URB1: variants seen among roughly 807,000 people sequenced by gnomAD.
URB1 encodes the protein nucleolar pre-ribosomal-associated protein 1.
A neutral mutation model predicts 242.3 loss-of-function variants in URB1; 197 were observed. That is an observed-to-expected ratio of 0.81 (90% confidence interval 0.72 to 0.91). The LOEUF (loss-of-function observed/expected upper bound fraction) is 0.91, where lower values mean the gene tolerates loss of function less well. Among genes scored for constraint, URB1 ranks in the 40% least tolerant of loss-of-function variants. URB1 has a pLI of 0.00. For missense variants in URB1, 2,721 were observed against 2,860.5 expected (o/e 0.95, Z 1.11); for synonymous variants, 1,153 against 1,201.8 (o/e 0.96, Z 0.84).
intron 35 of URB1, among the ~76,000 whole-genome samples, chr21:32,320,179 C>T (rs1358137775): frequency 6.6e-6 from 1 of 152,220 alleles, no homozygotes; most frequent in African/African-American, 2.4e-5. Context: ...GAGAACAGGA[C>T]ATTCACTTCA....
In URB1 at chr21:32,385,575, G is replaced by A; in HGVS notation, c.252C>T (p.Leu84=). 1 of 1,551,868 alleles carries A rather than the reference G, an allele frequency of 6.4e-7. No individual in the cohort carries two copies. The highest frequency in any genetic ancestry group is 8.7e-7 in the Non-Finnish European group (1 of 1,147,034). The change falls in exon 2 of 39, where the codon CTC becomes CTT. Residue 84 remains leucine, a synonymous_variant. Coordinates refer to ENST00000382751, the MANE Select transcript of URB1 (RefSeq NM_014825.3). ...ISVECVEIFQ[L]LSGEKRPESE... ...TTTCAGGTCGTTTCTCTCCACTTAG[G>A]AGCTGGAAAATTTCGACACACTCAA...
At chr21:32,386,151 GAA>G (rs10717995) in intron 1 of URB1, among the ~76,000 whole-genome samples, 24 of 126,584 alleles carry the variant, frequency 1.9e-4, no homozygotes, top group African/African-American at 2.9e-4. Flanking sequence ...TCTGTCTCAG[GAA>G]AAAAAAAAAA....
At chr21:32,343,952 C>T (rs1018004412) in intron 24 of URB1, among the ~76,000 whole-genome samples, 1 of 151,196 alleles carries the variant, frequency 6.6e-6, no homozygotes, top group African/African-American at 2.4e-5. Context: ...GCAAGAAAGG[C>T]AAGTTTCTTA....
chr21:32,378,184 G>T (rs758775074), intron 5 of URB1, among the ~76,000 whole-genome samples: 1 of 152,150 alleles, frequency 6.6e-6, no homozygotes, highest in Non-Finnish European at 1.5e-5. Context: ...TCTGAAGTCT[G>T]CATTTATCCT....
At chr21:32,346,184 T>A (rs916969171) in intron 22 of URB1, among the ~76,000 whole-genome samples, 3 of 152,194 alleles carry the variant, frequency 2.0e-5, no homozygotes, top group African/African-American at 7.2e-5. Flanking sequence ...CAGAGCTGGC[T>A]CCGCTTTTTC....
In URB1 at chr21:32,334,351, G is replaced by A; in HGVS notation, c.4686-17C>T. The stretch of plus-strand genomic sequence containing the variant: ...AGCAGCACCCTAGAGCCAGAAAAGG[G>A]AAAAGAGACTGGTCACAGAGCCCCC... On this transcript the variant is annotated splice_polypyrimidine_tract_variant and intron_variant, in intron 28 of 38. Coordinates refer to ENST00000382751, the MANE Select transcript of URB1 (RefSeq NM_014825.3). The A allele has an allele frequency of 6.5e-7, 1 of 1,533,054 alleles. No individual in the cohort carries two copies. The highest frequency in any genetic ancestry group is 8.8e-7 in the Non-Finnish European group (1 of 1,134,772). The allele number at this position is 1,533,054 out of a possible 1,614,324, so 95.0% of individuals were successfully genotyped here. A position where few individuals can be genotyped will look rare whatever the true frequency, so the allele number is the denominator to read the frequency against.
chr21:32,345,099 G>A (rs922863762), intron 23 of URB1, among the ~76,000 whole-genome samples: 9 of 152,032 alleles, frequency 5.9e-5, no homozygotes, highest in African/African-American at 2.2e-4. Context: ...TCCTAGTTGT[G>A]ACAATAAAAG....
chr21:32,322,697 A>T (rs1341291359), intron 32 of URB1, 113 bp from the exon 33 acceptor site: 1 of 757,502 alleles, frequency 1.3e-6, no homozygotes, highest in African/African-American at 1.7e-5. Context: ...CCTCCCAGGA[A>T]CTTTTGTGTC....
rs1459936179 is a variant in URB1, at chr21:32,316,817, C to A, written c.6283G>T (p.Ala2095Ser). 1.3e-6 allele frequency: 2 copies of A among 1,547,170 alleles called. No homozygotes were observed. The highest frequency in any genetic ancestry group is 2.7e-5 in the African/African-American group (2 of 73,002). The change falls in exon 38 of 39, where the codon GCT becomes TCT. Residue 2095 changes from alanine (A) to serine (S), a missense_variant. Transcript: ENST00000382751. ...PESDAPGPVYAAASLAVSWVL... is the reference protein window; with the variant it reads ...PESDAPGPVYSAASLAVSWVL... ...CAACTGACTGCCAGGGAAGCGGCAGCATATACGGGGCCTGGCGCATCGCTC... is the reference window on the plus strand; with the variant it reads ...CAACTGACTGCCAGGGAAGCGGCAGAATATACGGGGCCTGGCGCATCGCTC...
chr21:32,332,844 A>G (rs1179287808), intron 30 of URB1, among the ~76,000 whole-genome samples: 1 of 152,120 alleles, frequency 6.6e-6, no homozygotes, highest in Non-Finnish European at 1.5e-5. Context: ...CGTTACATGG[A>G]AGTGTTTCTT....
intron 32 of URB1, among the ~76,000 whole-genome samples, chr21:32,323,577 C>G (rs1316758684): frequency 6.6e-6 from 1 of 152,154 alleles, no homozygotes; most frequent in African/African-American, 2.4e-5. Context: ...GCTAAGGACC[C>G]GTGAGCCTAA....
chr21:32,317,734 G>A lies in URB1; in HGVS notation c.5976C>T (p.Leu1992=), dbSNP rs754128107. The change falls in exon 37 of 39, where the codon CTC becomes CTT. Residue 1992 remains leucine, a synonymous_variant. Coordinates refer to ENST00000382751, the MANE Select transcript of URB1 (RefSeq NM_014825.3). The stretch of plus-strand genomic sequence containing the variant: ...CTGCTCTCAGGTCTTCCTGGAGCTT[G>A]AGGTCTCTTTCAATGAGGCTCCACT... The part of the protein sequence containing the change: ...LHKWSLIERD[L]KLQEDLRAAI... 5 of 1,551,720 alleles carry A rather than the reference G, an allele frequency of 3.2e-6. No homozygotes were observed. Among genetic ancestry groups the A allele is most frequent in the Middle Eastern group, 1.7e-4 (1 of 6,014 alleles).
chr21:32,321,175 T>TA (rs2032760994), intron 34 of URB1, among the ~76,000 whole-genome samples: 1 of 152,278 alleles, frequency 6.6e-6, no homozygotes, highest in South Asian at 2.1e-4. Flanking sequence ...GACTTACTCC[T>TA]ATTTACCCAC....
chr21:32,370,218 C>T (rs532326702), intron 8 of URB1, among the ~76,000 whole-genome samples: 4 of 152,096 alleles, frequency 2.6e-5, no homozygotes, highest in Admixed American at 6.5e-5. Context: ...CTAGGGTCCC[C>T]GGTGTCTCAC....
chr21:32,321,703 G>T, intron 34 of URB1, 98 bp downstream of exon 34: 1 of 1,501,666 alleles, frequency 6.7e-7, no homozygotes, highest in Non-Finnish European at 8.9e-7. Context: ...GTCGTGTCCA[G>T]GCTGGGAACT....
At position 32,319,401 on chromosome 21, in the gene URB1, G is replaced by C; in HGVS notation, c.5608C>G (p.Pro1870Ala). ...AAGGAGATCACATTAGACAGCAGCGGAGTCTCCAGAAACCTAAAACCAAGC... is the reference window on the plus strand; with the variant it reads ...AAGGAGATCACATTAGACAGCAGCGCAGTCTCCAGAAACCTAAAACCAAGC... ...HILESKFLET[P>A]LLSNVISLLH... The change falls in exon 36 of 39, where the codon CCG becomes GCG. Residue 1870 changes from proline to alanine, a missense_variant. By Grantham distance (27) the Pro-to-Ala change is conservative. Coordinates refer to ENST00000382751, the MANE Select transcript of URB1 (RefSeq NM_014825.3). The C allele has an allele frequency of 2.0e-6, 3 of 1,525,324 alleles. No individual in the cohort carries two copies. Among genetic ancestry groups the C allele is most frequent in the Non-Finnish European group, 2.6e-6 (3 of 1,136,270 alleles). 94.5% of individuals were successfully genotyped at this position (1,525,324 alleles called of 1,614,324 possible).
At chr21:32,322,925 G>A (rs1252645348) in intron 32 of URB1, among the ~76,000 whole-genome samples, 3 of 152,176 alleles carry the variant, frequency 2.0e-5, no homozygotes, top group Non-Finnish European at 2.9e-5. Flanking sequence ...ACAGATCAGG[G>A]CTGACACCAC....
intron 32 of URB1, among the ~76,000 whole-genome samples, chr21:32,323,639 A>G (rs926889991): frequency 6.6e-6 from 1 of 152,166 alleles, no homozygotes; most frequent in East Asian, 1.9e-4. Flanking sequence ...GCTATCACTG[A>G]TGAGTTTTTA....
intron 15 of URB1, among the ~76,000 whole-genome samples, chr21:32,356,841 G>A (rs1021025909): frequency 2.6e-5 from 4 of 152,188 alleles, no homozygotes; most frequent in African/African-American, 9.7e-5. Context: ...ACGAAATCTG[G>A]CTGGGGTCAG....
Sources: allele counts gnomAD v4.1 joint callset (sites outside exome capture counted in the v4.1 genomes callset), GRCh38; gene constraint gnomAD v4.1.1; transcripts MANE v1.5; gene names NCBI Gene and HGNC (gene_info 2026-07-23, HGNC 2026-07-21).